SPATA33: variants seen among roughly 807,000 people sequenced by gnomAD.
The protein encoded by SPATA33 is spermatogenesis associated 33.
A neutral mutation model predicts 8.9 loss-of-function variants in SPATA33; 10 were observed. The observed-to-expected ratio is 1.12, with a 90% CI of 0.69 to 1.90. The LOEUF (loss-of-function observed/expected upper bound fraction) is 1.90, where lower values mean the gene tolerates loss of function less well. SPATA33 is among the 40% of genes most tolerant of loss of function. The pLI is 0.00. For synonymous variants in SPATA33, 96 were observed against 72.8 expected (o/e 1.32, Z -1.63); for missense variants, 241 against 178.3 (o/e 1.35, Z -2.00).
chr16:89,665,186 G>T (rs545974195), intron 2 of SPATA33, among the ~76,000 whole-genome samples: 1 of 152,092 alleles, frequency 6.6e-6, no homozygotes, highest in Non-Finnish European at 1.5e-5. Flanking sequence ...GTAGAGATGC[G>T]GTTTTGTCAT....
In SPATA33 at chr16:89,669,564, T is replaced by C; in HGVS notation, c.*67T>C. The C allele has an allele frequency of 6.6e-7, 1 of 1,526,012 alleles. No homozygotes were observed. Among genetic ancestry groups the C allele is most frequent in the Non-Finnish European group, 9.0e-7 (1 of 1,116,272 alleles). 94.5% of individuals were successfully genotyped at this position (1,526,012 alleles called of 1,614,324 possible). ...CGTCTCGGGAACAGCCGCCTCACCC[T>C]GTGAGAAGCCGAGGCCCCTTCTCCA... On this transcript the variant is annotated 3_prime_UTR_variant, in exon 3 of 3. Coordinates refer to ENST00000579310, the MANE Select transcript of SPATA33 (RefSeq NM_001271907.2).
At chr16:89,664,186 C>T (rs1472152253) in intron 2 of SPATA33, among the ~76,000 whole-genome samples, 1 of 152,196 alleles carries the variant, frequency 6.6e-6, no homozygotes, top group Non-Finnish European at 1.5e-5. Flanking sequence ...TTAAACCTCT[C>T]CCCAAACTCT....
chr16:89,660,585 C>A, intron 2 of SPATA33: 1 of 1,223,924 alleles, frequency 8.2e-7, no homozygotes, highest in Non-Finnish European at 1.0e-6. Flanking sequence ...ACTCCCTTGC[C>A]ACACCGTGAA....
At chr16:89,659,326 C>G (rs1442002996) in intron 2 of SPATA33, 1 of 152,266 alleles carries the variant, frequency 6.6e-6, no homozygotes, top group African/African-American at 2.4e-5. Context: ...AGCCTGCCGT[C>G]CGAGGAGATT....
intron 2 of SPATA33, among the ~76,000 whole-genome samples, chr16:89,664,402 C>T (rs1211201137): frequency 1.3e-5 from 2 of 152,204 alleles, no homozygotes; most frequent in African/African-American, 2.4e-5. Context: ...ATGTGTAACC[C>T]TCCCCTCGAG....
At chr16:89,662,472 A>G (rs1217642981) in intron 2 of SPATA33, among the ~76,000 whole-genome samples, 2 of 151,024 alleles carry the variant, frequency 1.3e-5, no homozygotes, top group African/African-American at 4.9e-5. Flanking sequence ...GCTGGAGTGC[A>G]ATGGCATGAT....
intron 2 of SPATA33, among the ~76,000 whole-genome samples, chr16:89,663,710 G>A (rs547064662): frequency 1.3e-5 from 2 of 152,144 alleles, no homozygotes; most frequent in Admixed American, 1.3e-4. Context: ...GCAGCAGGAG[G>A]AAGATGGGAT....
chr16:89,665,400 G>C (rs921000951), intron 2 of SPATA33, among the ~76,000 whole-genome samples: 1 of 152,014 alleles, frequency 6.6e-6, no homozygotes, highest in African/African-American at 2.4e-5. Flanking sequence ...CGCCTCCCGG[G>C]TTCATGCCAT....
Position 89,661,102 on chromosome 16 carries a change from G to C in SPATA33, c.211+2681G>C, listed in dbSNP as rs1280910361. 7.1e-6 allele frequency: 7 copies of C among 985,518 alleles called. No individual in the cohort carries two copies. In the African/African-American group the frequency reaches 1.2e-4, roughly 17 times the overall value. 61.0% of individuals were successfully genotyped at this position (985,518 alleles called of 1,614,324 possible). The stretch of plus-strand genomic sequence containing the variant: ...GAAAAGAAAATCGTTTTAAACTGCT[G>C]AGGTTTGGGGTAAGTTACTATGAAG... On this transcript the variant is annotated intron_variant, in intron 2 of 2. Coordinates refer to ENST00000579310, the MANE Select transcript of SPATA33 (RefSeq NM_001271907.2).
In SPATA33 at chr16:89,669,524, A is replaced by G; in HGVS notation, c.*27A>G. On this transcript the variant is annotated 3_prime_UTR_variant, in exon 3 of 3. Transcript: ENST00000579310. ...CAAGCACCTTTGCATGGCACTCGCT[A>G]CTCCCTGCGATAGGCGTCTCGGGAA... is the stretch of plus-strand genomic sequence containing the variant. 1 of 1,603,352 alleles carries G rather than the reference A, an allele frequency of 6.2e-7. No homozygotes were observed. Among genetic ancestry groups the G allele is most frequent in the Non-Finnish European group, 8.5e-7 (1 of 1,173,512 alleles).
chr16:89,667,068 T>C (rs562413065), intron 2 of SPATA33, among the ~76,000 whole-genome samples: 195 of 152,224 alleles, frequency 1.3e-3, no homozygotes, highest in African/African-American at 4.5e-3. Flanking sequence ...GGAGCAGAGT[T>C]TTCTCTAAAC....
At chr16:89,658,209 G>A in intron 1 of SPATA33, 39 bp from the exon 2 acceptor site, 1 of 1,610,854 alleles carries the variant, frequency 6.2e-7, no homozygotes, top group Non-Finnish European at 8.5e-7. Context: ...CCCTGCATTC[G>A]GTAAGTCCCG....
chr16:89,661,946 A>G (rs1025966722), intron 2 of SPATA33, among the ~76,000 whole-genome samples: 1 of 152,210 alleles, frequency 6.6e-6, no homozygotes, highest in Non-Finnish European at 1.5e-5. Flanking sequence ...ATCCCTATCT[A>G]ATAAATACAC....
chr16:89,668,501 A>C (rs1265038194), intron 2 of SPATA33, among the ~76,000 whole-genome samples: 1 of 152,158 alleles, frequency 6.6e-6, no homozygotes, highest in South Asian at 2.1e-4. Context: ...GTGCAGAGAG[A>C]GCCAGCTCCA....
At chr16:89,658,105 C>T (rs2059906800) in intron 1 of SPATA33, 143 bp from the exon 2 acceptor site, 2 of 1,495,496 alleles carry the variant, frequency 1.3e-6, no homozygotes, top group South Asian at 1.4e-5. Context: ...GGCGCGTTTC[C>T]CGCCTGAGGC....
chr16:89,667,221 C>T (rs2060038264), intron 2 of SPATA33, among the ~76,000 whole-genome samples: 1 of 152,198 alleles, frequency 6.6e-6, no homozygotes, highest in African/African-American at 2.4e-5. Context: ...ACCAAGGAGC[C>T]CTCTGGTGGC....
At chr16:89,667,649 C>T (rs2060044061) in intron 2 of SPATA33, among the ~76,000 whole-genome samples, 1 of 152,096 alleles carries the variant, frequency 6.6e-6, no homozygotes, top group African/African-American at 2.4e-5. Flanking sequence ...GGCCACAGAC[C>T]TTCAAGATCC....
rs370564618 is a variant in SPATA33, at chr16:89,658,260, A to G, written c.50A>G (p.Lys17Arg). 1.5e-5 allele frequency: 24 copies of G among 1,614,070 alleles called. No individual in the cohort carries two copies. The highest frequency in any genetic ancestry group is 1.9e-5 in the Non-Finnish European group (23 of 1,180,018). ...CCATATATTTCAGGTGAGGAGCAAAAGAAGGGATCCACCTATTCAGTTCCA... is the reference window on the plus strand; with the variant it reads ...CCATATATTTCAGGTGAGGAGCAAAGGAAGGGATCCACCTATTCAGTTCCA... The part of the protein sequence containing the change: ...KEKPRKGEEQ[K>R]KGSTYSVPKS... The change falls in exon 2 of 3, where the codon AAG becomes AGG. Residue 17 changes from lysine (K) to arginine (R), a missense_variant. Physicochemically the swap from Lys to Arg is conservative, Grantham distance 26 (BLOSUM62 2). Coordinates refer to ENST00000579310, the MANE Select transcript of SPATA33 (RefSeq NM_001271907.2).
At chr16:89,658,459 G>T (rs1488265172) in intron 2 of SPATA33, 38 bp downstream of exon 2, 2 of 1,562,806 alleles carry the variant, frequency 1.3e-6, no homozygotes, top group Non-Finnish European at 1.7e-6. Flanking sequence ...GAGGTCAGTG[G>T]CTTGGAGGAT....
Sources: gnomAD v4.1 joint callset for allele counts (sites outside exome capture counted in the v4.1 genomes callset) on GRCh38, gnomAD v4.1.1 for gene constraint, MANE v1.5 for transcripts, NCBI Gene and HGNC (gene_info 2026-07-23, HGNC 2026-07-21) for gene names.